Variants in COX4I2 observed in about 807,000 individuals in gnomAD.
COX4I2 encodes cytochrome c oxidase subunit 4 isoform 2, mitochondrial.
Under a neutral mutation model 20.8 loss-of-function variants are expected in COX4I2, and 15 were observed. The ratio of observed to expected loss-of-function variants is 0.72; its 90% CI spans 0.48 to 1.11. The LOEUF is 1.11. COX4I2 is among the 50% of genes most tolerant of loss of function. COX4I2 has a pLI of 0.00. For missense variants in COX4I2, 224 were observed against 223.0 expected, an observed-to-expected ratio of 1.00 and a Z score of -0.03; for synonymous variants, 80 against 78.1, an observed-to-expected ratio of 1.02 and a Z score of -0.13.
Position 31,640,080 on chromosome 20 carries a change from A to C in COX4I2, c.230A>C (p.His77Pro). 1.9e-6 allele frequency: 3 copies of C among 1,611,616 alleles called. No homozygotes were observed. In the South Asian group the frequency reaches 3.3e-5, roughly 18 times the overall value. The stretch of plus-strand genomic sequence containing the variant: ...AAGGGAAGCTGGACCCAGCTGACCC[A>C]CGCCGAAAAGGTGGCCTGTAAGTGT... ...KEKGSWTQLT[H>P]AEKVALYRLQ... The change falls in exon 3 of 5, where the codon CAC becomes CCC. Residue 77 changes from histidine to proline, a missense_variant. Coordinates refer to ENST00000376075, the MANE Select transcript of COX4I2 (RefSeq NM_032609.3).
intron 3 of COX4I2, among the ~76,000 whole-genome samples, chr20:31,640,828 T>G (rs1020329488): frequency 6.6e-6 from 1 of 152,102 alleles, no homozygotes; most frequent in African/African-American, 2.4e-5. Flanking sequence ...ACATCTTATT[T>G]GGCACCTACT....
At chr20:31,644,350 T>C (rs755180704) in intron 4 of COX4I2, among the ~76,000 whole-genome samples, 2 of 152,088 alleles carry the variant, frequency 1.3e-5, no homozygotes, top group African/African-American at 2.4e-5. Flanking sequence ...TTTTGACAGG[T>C]AAGGAAACTG....
chr20:31,639,338 T>A, intron 2 of COX4I2: 2 of 957,654 alleles, frequency 2.1e-6, no homozygotes, highest in Non-Finnish European at 1.2e-6. Context: ...CCCCCAAGCC[T>A]CAGGCCCCTA....
At position 31,643,471 on chromosome 20, in the gene COX4I2, G is replaced by A; in HGVS notation, c.315G>A (p.Val105=). 6.2e-7 allele frequency: 1 copy of A among 1,614,164 alleles called. No homozygotes were observed. The highest frequency in any genetic ancestry group is 1.3e-5 in the African/African-American group (1 of 75,058). The change falls in exon 4 of 5, where the codon GTG becomes GTA. Residue 105 remains valine, a synonymous_variant. Transcript: ENST00000376075. Reference sequence around the variant, plus strand: ...GTCGCTCCAATGAGTGGAAGACAGTGATGGGTTGTGTCTTCTTCTTCATTG... The same window carrying A: ...GTCGCTCCAATGAGTGGAAGACAGTAATGGGTTGTGTCTTCTTCTTCATTG... ...MNRRSNEWKT[V]MGCVFFFIGF...
intron 1 of COX4I2, 58 bp from the exon 2 acceptor site, chr20:31,638,960 G>T: frequency 6.5e-7 from 1 of 1,532,532 alleles, no homozygotes; most frequent in Non-Finnish European, 8.9e-7. Context: ...CTGGCCCTGC[G>T]GTTTGGGGGC....
At chr20:31,642,431 ATTTTTTTTT>A (rs57483570) in intron 3 of COX4I2, among the ~76,000 whole-genome samples, 5 of 88,840 alleles carry the variant, frequency 5.6e-5, no homozygotes, top group African/African-American at 1.6e-4. Context: ...ACGTAGGGTA[ATTTTTTTTT>A]TTTTTTTTTT....
chr20:31,644,660 T>A (rs2060485785), intron 4 of COX4I2, 108 bp from the exon 5 acceptor site: 2 of 1,299,882 alleles, frequency 1.5e-6, no homozygotes, highest in African/African-American at 2.9e-5. Flanking sequence ...CTGGAGTATC[T>A]TGTACCGTCA....
At chr20:31,638,410 G>A (rs971196695) in intron 1 of COX4I2, among the ~76,000 whole-genome samples, 11 of 151,524 alleles carry the variant, frequency 7.3e-5, no homozygotes, top group Non-Finnish European at 1.5e-4. Context: ...CCACCACCAT[G>A]GATGCCAAAC....
intron 4 of COX4I2, 132 bp downstream of exon 4, chr20:31,643,667 G>T: frequency 9.6e-7 from 1 of 1,041,748 alleles, no homozygotes; most frequent in South Asian, 1.3e-5. Flanking sequence ...GGTGTAGGGT[G>T]AAGGACAGAG....
chr20:31,642,776 C>T (rs983528673), intron 3 of COX4I2, among the ~76,000 whole-genome samples: 9 of 152,106 alleles, frequency 5.9e-5, no homozygotes, highest in African/African-American at 1.9e-4. Context: ...GAGACAGGGT[C>T]TCGCTTTATT....
Position 31,638,435 on chromosome 20 carries a change from G to A in COX4I2, c.-1+473G>A, listed in dbSNP as rs147813083. 4.4e-3 allele frequency among the ~76,000 whole-genome samples: 643 copies of A among 147,218 alleles called. 2 individuals are homozygous for A. The highest frequency in any genetic ancestry group is 0.015 in the African/African-American group (617 of 39,824). On this transcript the variant is annotated intron_variant, in intron 1 of 4. Coordinates refer to ENST00000376075, the MANE Select transcript of COX4I2 (RefSeq NM_032609.3). ...GGATGCCAAACCCTGAGTCTTCCCT[G>A]GGGGTGGGAGACTGGGCTCAGCCAG...
At chr20:31,639,235 C>G (rs1169168077) in intron 2 of COX4I2, 136 bp downstream of exon 2, 1 of 1,528,164 alleles carries the variant, frequency 6.5e-7, no homozygotes, top group Non-Finnish European at 8.8e-7. Context: ...CATGATCCCA[C>G]TCCTTGGTCC....
At chr20:31,643,207 C>G (rs1320016858) in intron 3 of COX4I2, among the ~76,000 whole-genome samples, 197 bp from the exon 4 acceptor site, 1 of 152,198 alleles carries the variant, frequency 6.6e-6, no homozygotes, top group Middle Eastern at 3.2e-3. Flanking sequence ...CATTGTCTCC[C>G]CCTCTAAACT....
chr20:31,639,434 A>G (rs181668579), intron 2 of COX4I2, among the ~76,000 whole-genome samples: 18 of 152,234 alleles, frequency 1.2e-4, no homozygotes, highest in Non-Finnish European at 2.6e-4. Context: ...TGCTAGTAAG[A>G]AGAAAGAGAC....
chr20:31,637,994 A>T (rs2060446138), intron 1 of COX4I2, 32 bp downstream of exon 1: 1 of 152,126 alleles, frequency 6.6e-6, no homozygotes, highest in African/African-American at 2.4e-5. Context: ...CCCGCCACCC[A>T]AGCCCGCGCG....
chr20:31,642,753 T>A (rs1027526153), intron 3 of COX4I2, among the ~76,000 whole-genome samples: 3 of 152,166 alleles, frequency 2.0e-5, no homozygotes, highest in Non-Finnish European at 4.4e-5. Context: ...GGCTAATTTT[T>A]AAATTTTTTC....
chr20:31,644,759 TC>T lies in COX4I2; in HGVS notation c.380-6del, dbSNP rs754321582. On this transcript the variant is annotated splice_region_variant and splice_polypyrimidine_tract_variant and intron_variant, in intron 4 of 4. Transcript: ENST00000376075. The stretch of plus-strand genomic sequence containing the variant: ...CAGGATCCTGATCCACCCCATGTAC[TC>T]CCTGCAGTATTTCCTCCAAAGCCGA... 6.2e-7 allele frequency: 1 copy of T among 1,613,862 alleles called. No homozygotes were observed. Among genetic ancestry groups the T allele is most frequent in the African/African-American group, 1.3e-5 (1 of 74,984 alleles).
At chr20:31,641,363 GAA>G (rs570887265) in intron 3 of COX4I2, among the ~76,000 whole-genome samples, 38 of 96,500 alleles carry the variant, frequency 3.9e-4, no homozygotes, top group Middle Eastern at 6.1e-3. Context: ...GACCCTGTCT[GAA>G]AAAAAAAAAA....
At chr20:31,641,095 T>C (rs2060465637) in intron 3 of COX4I2, among the ~76,000 whole-genome samples, 1 of 151,842 alleles carries the variant, frequency 6.6e-6, no homozygotes, top group African/African-American at 2.4e-5. Context: ...GATGAGTTAA[T>C]GGGTGTAGCA....
Sources: gnomAD v4.1 joint callset for allele counts (sites outside exome capture counted in the v4.1 genomes callset) on GRCh38, gnomAD v4.1.1 for gene constraint, MANE v1.5 for transcripts, NCBI Gene and HGNC (gene_info 2026-07-23, HGNC 2026-07-21) for gene names.